SCGN: variants seen among roughly 807,000 people sequenced by gnomAD.
SCGN encodes the protein secretagogin, EF-hand calcium binding protein.
Under a neutral mutation model 39.7 loss-of-function variants are expected in SCGN, and 30 were observed. The ratio of observed to expected loss-of-function variants is 0.76; its 90% CI spans 0.57 to 1.03. SCGN has a LOEUF of 1.03. SCGN is among the 50% of genes least tolerant of loss of function. The pLI is 0.00. For synonymous variants in SCGN, 106 were observed against 114.1 expected (o/e 0.93, Z 0.45); for missense variants, 353 against 349.4 (o/e 1.01, Z -0.08).
rs1282809405 is a variant in SCGN at position 25,652,376 on chromosome 6, C to T, written c.-28C>T. 1 of 1,606,826 alleles carries T rather than the reference C, an allele frequency of 6.2e-7. No homozygotes were observed. The highest frequency in any genetic ancestry group is 8.5e-7 in the Non-Finnish European group (1 of 1,173,668). On this transcript the variant is annotated 5_prime_UTR_variant, in exon 1 of 11. Coordinates refer to ENST00000377961, the MANE Select transcript of SCGN (RefSeq NM_006998.4). ...CCAAAGTTGTCTAGGTCCTTCCGCG[C>T]CGGTGCCTGGTCTTCGTCGTCAACA...
intron 7 of SCGN, among the ~76,000 whole-genome samples, chr6:25,687,065 A>G (rs1329751341): frequency 2.0e-5 from 3 of 152,156 alleles, no homozygotes. Flanking sequence ...CCTTATGCCA[A>G]TATCACACTA....
At chr6:25,693,506 C>G (rs1025903550) in intron 10 of SCGN, among the ~76,000 whole-genome samples, 2 of 137,606 alleles carry the variant, frequency 1.5e-5, no homozygotes, top group South Asian at 5.0e-4. Flanking sequence ...CTTTGGAGTA[C>G]ATTTCTGAGA....
At chr6:25,700,397 T>G (rs1759896077) in intron 10 of SCGN, among the ~76,000 whole-genome samples, 1 of 152,188 alleles carries the variant, frequency 6.6e-6, no homozygotes, top group African/African-American at 2.4e-5. Context: ...TATGAAATTT[T>G]GCAATGAGCA....
intron 6 of SCGN, among the ~76,000 whole-genome samples, chr6:25,674,661 G>C (rs1043801348): frequency 6.6e-6 from 1 of 152,200 alleles, no homozygotes; most frequent in Non-Finnish European, 1.5e-5. Context: ...ATCTGAATAA[G>C]GATTGGCACA....
chr6:25,678,079 A>T (rs1345382086), intron 6 of SCGN, among the ~76,000 whole-genome samples: 1 of 152,254 alleles, frequency 6.6e-6, no homozygotes, highest in Admixed American at 6.5e-5. Context: ...GAACTACCAC[A>T]CTTAGAATTT....
intron 7 of SCGN, among the ~76,000 whole-genome samples, chr6:25,688,383 A>G (rs551916417): frequency 6.6e-6 from 1 of 152,214 alleles, no homozygotes; most frequent in Non-Finnish European, 1.5e-5. Context: ...TGGTCAGTTC[A>G]TAATTGGACA....
At chr6:25,657,614 G>A (rs1367084379) in intron 2 of SCGN, among the ~76,000 whole-genome samples, 1 of 151,368 alleles carries the variant, frequency 6.6e-6, no homozygotes, top group South Asian at 2.1e-4. Flanking sequence ...CAGGATCATT[G>A]AAGCTTACTC....
chr6:25,653,120 A>G (rs1356776010), intron 1 of SCGN, among the ~76,000 whole-genome samples: 1 of 152,240 alleles, frequency 6.6e-6, no homozygotes, highest in Admixed American at 6.5e-5. Context: ...ACGTTTATTC[A>G]TTGATTAAAA....
At position 25,667,133 on chromosome 6, in the gene SCGN, G is replaced by T. The variant is rs756762444; in HGVS notation, c.336+2101G>T. ...TTTCTTTTTGTATTTCATTAATTTTGTACAGTGAACATGATATCAGAAAAA... is the reference window on the plus strand; with the variant it reads ...TTTCTTTTTGTATTTCATTAATTTTTTACAGTGAACATGATATCAGAAAAA... On this transcript the variant is annotated intron_variant, in intron 4 of 10. Coordinates refer to ENST00000377961, the MANE Select transcript of SCGN (RefSeq NM_006998.4). Among the ~76,000 whole-genome samples, 138 of 151,830 alleles carry T rather than the reference G, an allele frequency of 9.1e-4. 2 individuals carry two copies. Among genetic ancestry groups the T allele is most frequent in the Admixed American group, 1.7e-3 (26 of 15,248 alleles).
intron 4 of SCGN, among the ~76,000 whole-genome samples, chr6:25,667,781 G>T (rs1760446367): frequency 6.6e-6 from 1 of 152,062 alleles, no homozygotes. Context: ...ATTCTTTAAA[G>T]ATAGGCTTAT....
In SCGN at chr6:25,688,801, C is replaced by CAAAAAAA. The variant is rs10626691; in HGVS notation, c.528-363_528-357dup. Among the ~76,000 whole-genome samples the CAAAAAAA allele has an allele frequency of 2.8e-3, 292 of 103,098 alleles. 2 individuals are homozygous for CAAAAAAA. The highest frequency in any genetic ancestry group is 4.8e-3 in the Non-Finnish European group (246 of 51,654). 67.6% of individuals were successfully genotyped at this position (103,098 alleles called of 152,430 possible). Reference sequence around the variant, plus strand: ...TGGGCGACAGAGAGAGATTCTGTCTCAAAAAAAAAAAAAAGATTTTTTTCA... The same window carrying CAAAAAAA: ...TGGGCGACAGAGAGAGATTCTGTCTCAAAAAAAAAAAAAAAAAAAAAGATTTTTTTCA... On this transcript the variant is annotated intron_variant, in intron 7 of 10. Transcript: ENST00000377961.
At chr6:25,668,284 T>C (rs550333277) in intron 4 of SCGN, among the ~76,000 whole-genome samples, 38 of 152,164 alleles carry the variant, frequency 2.5e-4, no homozygotes, top group African/African-American at 8.2e-4. Context: ...CCAATTGATG[T>C]GAGGCTTGTC....
rs148866313 is a variant in SCGN at position 25,696,887 on chromosome 6, A to G, written c.703-4320A>G. 3.0e-3 allele frequency among the ~76,000 whole-genome samples: 455 copies of G among 152,272 alleles called. 2 individuals are homozygous for G. Among genetic ancestry groups the G allele is most frequent in the African/African-American group, 0.01 (425 of 41,554 alleles). ...GCTGCCATCTCTTGGGTGATGAAAA[A>G]CTTTGAAAAGAGAGGATAGGTGGCA... On this transcript the variant is annotated intron_variant, in intron 10 of 10. Coordinates refer to ENST00000377961, the MANE Select transcript of SCGN (RefSeq NM_006998.4).
rs527815862 is a variant in SCGN, at chr6:25,688,705, G to A, written c.528-467G>A. Among the ~76,000 whole-genome samples the A allele has an allele frequency of 7.4e-4, 113 of 151,780 alleles. 1 individual carries two copies. Among genetic ancestry groups the A allele is most frequent in the South Asian group, 1.3e-3 (6 of 4,792 alleles). The stretch of plus-strand genomic sequence containing the variant: ...TAGTCCCAGCTACTTGGGAGGCTGA[G>A]GCAGGAGAATGGTGTGAACCTGGGA... On this transcript the variant is annotated intron_variant, in intron 7 of 10. Coordinates refer to ENST00000377961, the MANE Select transcript of SCGN (RefSeq NM_006998.4).
intron 3 of SCGN, among the ~76,000 whole-genome samples, 190 bp from the exon 4 acceptor site, chr6:25,664,753 T>A (rs9393654): frequency 0.82 from 124,491 of 152,064 alleles, 51,230 homozygotes; most frequent in African/African-American, 0.89. Context: ...TAGGAGTGTG[T>A]TACTTTCTGA....
At chr6:25,692,083 C>T (rs1344041070) in intron 10 of SCGN, among the ~76,000 whole-genome samples, 1 of 152,172 alleles carries the variant, frequency 6.6e-6, no homozygotes, top group Non-Finnish European at 1.5e-5. Flanking sequence ...CAGTGGGTCC[C>T]TTGTCTCCTC....
At chr6:25,682,771 T>C (rs760479432) in intron 7 of SCGN, among the ~76,000 whole-genome samples, 1 of 152,184 alleles carries the variant, frequency 6.6e-6, no homozygotes, top group Non-Finnish European at 1.5e-5. Flanking sequence ...CAGCAGCAGG[T>C]ATAGCTGAGA....
chr6:25,663,967 A>G (rs756247330), intron 3 of SCGN, among the ~76,000 whole-genome samples: 1 of 152,150 alleles, frequency 6.6e-6, no homozygotes, highest in Non-Finnish European at 1.5e-5. Context: ...TGAGCAAACT[A>G]CTCAGTTATA....
chr6:25,663,819 T>C (rs565002132), intron 3 of SCGN, among the ~76,000 whole-genome samples: 1 of 152,320 alleles, frequency 6.6e-6, no homozygotes, highest in African/African-American at 2.4e-5. Context: ...CAACATCTGA[T>C]AGTTATTGTT....
Sources: allele counts gnomAD v4.1 joint callset (sites outside exome capture counted in the v4.1 genomes callset), GRCh38; gene constraint gnomAD v4.1.1; transcripts MANE v1.5; gene names NCBI Gene and HGNC (gene_info 2026-07-23, HGNC 2026-07-21).